JAKMIP2: variants seen among roughly 807,000 people sequenced by gnomAD.
The protein encoded by JAKMIP2 is janus kinase and microtubule-interacting protein 2.
Under a neutral mutation model 115.0 loss-of-function variants are expected in JAKMIP2, and 25 were observed. That is an observed-to-expected ratio of 0.22 (90% CI 0.16 to 0.30). JAKMIP2 has a LOEUF of 0.30. JAKMIP2 is among the 10% of genes least tolerant of loss of function. The probability of loss-of-function intolerance (pLI) is 1.00; values close to 1 mark genes in which losing one functional copy is unlikely to be tolerated. For synonymous variants in JAKMIP2, 334 were observed against 343.6 expected (o/e 0.97, Z 0.31); for missense variants, 642 against 957.6 (o/e 0.67, Z 4.35).
intron 6 of JAKMIP2, among the ~76,000 whole-genome samples, 157 bp downstream of exon 6, chr5:147,644,693 C>CTTT: frequency 6.6e-6 from 1 of 152,172 alleles, no homozygotes; most frequent in Non-Finnish European, 1.5e-5. Flanking sequence ...GAGCCAGCAA[C>CTTT]CTTCTCTTGC....
chr5:147,648,196 C>T (rs1758221829), intron 5 of JAKMIP2, among the ~76,000 whole-genome samples, 180 bp downstream of exon 5: 1 of 152,118 alleles, frequency 6.6e-6, no homozygotes, highest in Non-Finnish European at 1.5e-5. Context: ...TGCTGGTAAT[C>T]TTCCATTTAT....
At chr5:147,699,087 T>C (rs1346184074) in intron 1 of JAKMIP2, among the ~76,000 whole-genome samples, 1 of 152,186 alleles carries the variant, frequency 6.6e-6, no homozygotes, top group Non-Finnish European at 1.5e-5. Context: ...CATGCTATGA[T>C]CTAATCAATA....
At chr5:147,618,965 G>A (rs1302776637) in intron 18 of JAKMIP2, among the ~76,000 whole-genome samples, 1 of 152,096 alleles carries the variant, frequency 6.6e-6, no homozygotes, top group African/African-American at 2.4e-5. Context: ...TCCAAAAAAT[G>A]ACCTAAAGTT....
At chr5:147,602,761 T>G (rs1755772488) in intron 20 of JAKMIP2, among the ~76,000 whole-genome samples, 1 of 152,190 alleles carries the variant, frequency 6.6e-6, no homozygotes, top group African/African-American at 2.4e-5. Flanking sequence ...ATTATCACAC[T>G]CCAGGAACAT....
chr5:147,651,957 G>A (rs545823102), intron 3 of JAKMIP2, among the ~76,000 whole-genome samples: 20 of 152,270 alleles, frequency 1.3e-4, no homozygotes, highest in African/African-American at 4.6e-4. Flanking sequence ...CATAGCTCTA[G>A]TTACTTTTCA....
At chr5:147,683,516 A>G (rs1218133443) in intron 1 of JAKMIP2, among the ~76,000 whole-genome samples, 1 of 152,086 alleles carries the variant, frequency 6.6e-6, no homozygotes, top group African/African-American at 2.4e-5. Context: ...ACCAAACAAC[A>G]ACAACAACAA....
At chr5:147,719,709 TCCTC>T (rs1753180613) in intron 1 of JAKMIP2, among the ~76,000 whole-genome samples, 2 of 150,888 alleles carry the variant, frequency 1.3e-5, no homozygotes, top group Non-Finnish European at 3.0e-5. Context: ...TGGTAGATCT[TCCTC>T]CATCCTTTTA....
chr5:147,686,429 A>C (rs1372111586), intron 1 of JAKMIP2, among the ~76,000 whole-genome samples: 1 of 152,124 alleles, frequency 6.6e-6, no homozygotes, highest in Non-Finnish European at 1.5e-5. Context: ...AAATCACTCA[A>C]GGAAATAAAT....
intron 1 of JAKMIP2, among the ~76,000 whole-genome samples, chr5:147,758,442 A>G (rs1754821660): frequency 6.6e-6 from 1 of 152,218 alleles, no homozygotes; most frequent in Non-Finnish European, 1.5e-5. Flanking sequence ...AGTTTATACC[A>G]TATAACAAAA....
chr5:147,669,726 CAG>C (rs1759484912), intron 2 of JAKMIP2, among the ~76,000 whole-genome samples: 1 of 152,162 alleles, frequency 6.6e-6, no homozygotes, highest in Admixed American at 6.5e-5. Flanking sequence ...ATGAAATGTT[CAG>C]AGATTGTCAG....
intron 1 of JAKMIP2, among the ~76,000 whole-genome samples, chr5:147,725,660 C>A (rs971660599): frequency 7.9e-5 from 12 of 152,028 alleles, no homozygotes; most frequent in African/African-American, 2.9e-4. Context: ...AGGTTAAAGG[C>A]CCCTCTTAAT....
chr5:147,595,190 AT>A (rs1755306006), intron 21 of JAKMIP2, among the ~76,000 whole-genome samples: 1 of 152,124 alleles, frequency 6.6e-6, no homozygotes, highest in Non-Finnish European at 1.5e-5. Flanking sequence ...TTACTTGCTA[AT>A]TTTTTATATT....
chr5:147,741,748 T>C (rs1754147691), intron 1 of JAKMIP2, among the ~76,000 whole-genome samples: 1 of 152,112 alleles, frequency 6.6e-6, no homozygotes, highest in Non-Finnish European at 1.5e-5. Flanking sequence ...TATAATTAAG[T>C]ATTGAATTAA....
At chr5:147,690,650 A>G (rs544866767) in intron 1 of JAKMIP2, among the ~76,000 whole-genome samples, 5 of 150,950 alleles carry the variant, frequency 3.3e-5, no homozygotes, top group African/African-American at 9.7e-5. Context: ...TTTTGGAAAG[A>G]TATATGAGGT....
intron 2 of JAKMIP2, among the ~76,000 whole-genome samples, chr5:147,664,562 G>C (rs1759198961): frequency 6.6e-6 from 1 of 152,074 alleles, no homozygotes; most frequent in Non-Finnish European, 1.5e-5. Context: ...CTCATGGCCT[G>C]GCTAGAGGTC....
intron 3 of JAKMIP2, among the ~76,000 whole-genome samples, chr5:147,657,789 C>T (rs1486777743): frequency 2.0e-5 from 3 of 151,716 alleles, no homozygotes; most frequent in East Asian, 3.9e-4. Context: ...TCTGCTTGGT[C>T]GATTTGGCTA....
chr5:147,694,136 A>T (rs1309432027), intron 1 of JAKMIP2, among the ~76,000 whole-genome samples: 2 of 152,176 alleles, frequency 1.3e-5, no homozygotes, highest in African/African-American at 4.8e-5. Context: ...CCTGGTGTCA[A>T]ATGTGATCAC....
At chr5:147,617,116 G>C (rs1410690651) in intron 19 of JAKMIP2, among the ~76,000 whole-genome samples, 1 of 152,172 alleles carries the variant, frequency 6.6e-6, no homozygotes, top group Non-Finnish European at 1.5e-5. Flanking sequence ...GCTATGGCAT[G>C]AATAAAGAGT....
intron 1 of JAKMIP2, among the ~76,000 whole-genome samples, chr5:147,745,282 T>C (rs1754312575): frequency 1.3e-5 from 2 of 152,214 alleles, no homozygotes; most frequent in Admixed American, 6.5e-5. Flanking sequence ...ATTTTAAGAC[T>C]AAGCTGTCTT....
Sources: allele counts gnomAD v4.1 joint callset (sites outside exome capture counted in the v4.1 genomes callset), GRCh38; gene constraint gnomAD v4.1.1; transcripts MANE v1.5; gene names NCBI Gene and HGNC (gene_info 2026-07-23, HGNC 2026-07-21).